The following KIF1B variants were observed in gnomAD, a reference collection of about 807,000 sequenced individuals.
KIF1B encodes kinesin family member 1B.
Under a neutral mutation model 241.9 loss-of-function variants are expected in KIF1B, and 76 were observed. The observed-to-expected ratio is 0.31, with a 90% CI of 0.26 to 0.38. The LOEUF is 0.38. Among genes scored for constraint, KIF1B ranks in the 10% least tolerant of loss-of-function variants. The probability of loss-of-function intolerance (pLI) is 1.00; values close to 1 mark genes in which losing one functional copy is unlikely to be tolerated. For synonymous variants in KIF1B, 750 were observed against 796.7 expected (o/e 0.94, Z 0.99); for missense variants, 1,622 against 2,271.4 (o/e 0.71, Z 5.81).
At chr1:10,289,679 T>C (rs984985568) in intron 15 of KIF1B, among the ~76,000 whole-genome samples, 1 of 151,236 alleles carries the variant, frequency 6.6e-6, no homozygotes, top group African/African-American at 2.4e-5. Context: ...AGGTCAGGAG[T>C]TCAAGACCAG....
intron 1 of KIF1B, among the ~76,000 whole-genome samples, chr1:10,224,121 G>A (rs1165529880): frequency 1.3e-5 from 2 of 151,824 alleles, no homozygotes; most frequent in African/African-American, 2.4e-5. Flanking sequence ...CGTGGTTTTT[G>A]TTTGTTTGTT....
intron 22 of KIF1B, chr1:10,307,130 A>G (rs1223956149): frequency 3.9e-6 from 4 of 1,030,414 alleles, no homozygotes; most frequent in South Asian, 9.2e-5. Context: ...ATGACCAGGA[A>G]GAAATTAACC....
intron 27 of KIF1B, among the ~76,000 whole-genome samples, chr1:10,332,293 T>C (rs1213874286): frequency 6.6e-6 from 1 of 151,936 alleles, no homozygotes; most frequent in Non-Finnish European, 1.5e-5. Context: ...CTCGAACTCC[T>C]GACCTCAGGT....
chr1:10,348,250 G>A (rs114125831), intron 36 of KIF1B, among the ~76,000 whole-genome samples: 2,889 of 152,184 alleles, frequency 0.019, 41 homozygotes, highest in Non-Finnish European at 0.028. Flanking sequence ...TCAAAAGTAG[G>A]TTCAGTCAGT....
intron 23 of KIF1B, 54 bp downstream of exon 23, chr1:10,320,190 T>G: frequency 8.3e-7 from 1 of 1,210,448 alleles, no homozygotes; most frequent in African/African-American, 1.5e-5. Flanking sequence ...AGTTATATTA[T>G]CAAATTAGTC....
intron 2 of KIF1B, among the ~76,000 whole-genome samples, chr1:10,233,382 A>G (rs1436833698): frequency 6.6e-5 from 10 of 152,076 alleles, no homozygotes; most frequent in African/African-American, 2.4e-4. Context: ...TTGGGAGGCT[A>G]GGGCAGGAGG....
intron 1 of KIF1B, among the ~76,000 whole-genome samples, chr1:10,213,159 A>G (rs1398273679): frequency 6.6e-6 from 1 of 151,036 alleles, no homozygotes; most frequent in Non-Finnish European, 1.5e-5. Context: ...TAATTTTTAG[A>G]GTTACTTTAT....
At chr1:10,317,185 A>G (rs1557710192) in intron 22 of KIF1B, among the ~76,000 whole-genome samples, 1 of 151,578 alleles carries the variant, frequency 6.6e-6, no homozygotes, top group East Asian at 1.9e-4. Context: ...CATGCCTGGT[A>G]ATTAGCTAGC....
chr1:10,277,715 A>G (rs1418353854), intron 12 of KIF1B, among the ~76,000 whole-genome samples: 2 of 152,258 alleles, frequency 1.3e-5, no homozygotes, highest in South Asian at 2.1e-4. Flanking sequence ...AAGACACTTG[A>G]TGTAATGGAA....
intron 11 of KIF1B, among the ~76,000 whole-genome samples, chr1:10,276,048 GAC>G (rs1365212100): frequency 1.3e-5 from 2 of 151,890 alleles, no homozygotes; most frequent in African/African-American, 4.8e-5. Context: ...TGGGATTACA[GAC>G]ACACACCACC....
chr1:10,325,972 T>G (rs1265240922), intron 26 of KIF1B, 139 bp from the exon 27 acceptor site: 19 of 1,170,380 alleles, frequency 1.6e-5, no homozygotes, highest in Non-Finnish European at 2.3e-5. Context: ...TATGCTTATT[T>G]TATCCTTTTG....
intron 1 of KIF1B, among the ~76,000 whole-genome samples, chr1:10,231,641 C>A (rs183842557): frequency 6.6e-6 from 1 of 152,086 alleles, no homozygotes; most frequent in Non-Finnish European, 1.5e-5. Flanking sequence ...CCCAACTTGA[C>A]TTCCCAAAGT....
chr1:10,374,807 A>G lies in KIF1B; in HGVS notation c.5097-47A>G. On this transcript the variant is annotated intron_variant, in intron 46 of 48. Transcript: ENST00000676179. The surrounding 1 kb of genome is among the most constrained non-coding windows in gnomAD (Gnocchi z 4.3). ...TATTTTGATGGTCCTCAGCACGATT[A>G]TTTTCTTTTTGTGAGAAACTAACTT... 1 of 1,575,150 alleles carries G rather than the reference A, an allele frequency of 6.3e-7. No homozygotes were observed. Among genetic ancestry groups the G allele is most frequent in the Non-Finnish European group, 8.7e-7 (1 of 1,145,034 alleles).
intron 22 of KIF1B, among the ~76,000 whole-genome samples, chr1:10,301,845 T>A (rs748311960): frequency 1.3e-5 from 2 of 152,224 alleles, no homozygotes; most frequent in Non-Finnish European, 2.9e-5. Flanking sequence ...TATCAAGATT[T>A]GCTTGTATTA....
At chr1:10,220,371 AATAG>A (rs1553160021) in intron 1 of KIF1B, among the ~76,000 whole-genome samples, 53 of 143,676 alleles carry the variant, frequency 3.7e-4, no homozygotes, top group African/African-American at 5.5e-4. Context: ...ACCCTGTTTC[AATAG>A]ATAGATAGAT....
Position 10,376,640 on chromosome 1 carries a change from C to A in KIF1B, c.*53C>A. 15 of 1,522,196 alleles carry A rather than the reference C, an allele frequency of 9.9e-6. No homozygotes were observed. Among genetic ancestry groups the A allele is most frequent in the Non-Finnish European group, 1.4e-5 (15 of 1,096,750 alleles). 94.3% of individuals were successfully genotyped at this position (1,522,196 alleles called of 1,614,324 possible). On this transcript the variant is annotated 3_prime_UTR_variant, in exon 49 of 49. Coordinates refer to ENST00000676179, the MANE Select transcript of KIF1B (RefSeq NM_001365951.3). ...CTTCGAGAGATAAAGAAAGCGTTAC[C>A]TCTCATTTCTCTTTGTGATTCTTGA...
intron 2 of KIF1B, among the ~76,000 whole-genome samples, chr1:10,244,372 T>G: frequency 6.7e-6 from 1 of 148,506 alleles, no homozygotes; most frequent in East Asian, 1.9e-4. Flanking sequence ...TGGAGTGCAA[T>G]GGCCCGATCT....
intron 16 of KIF1B, 94 bp downstream of exon 16, chr1:10,291,255 A>G: frequency 1.1e-6 from 1 of 945,566 alleles, no homozygotes; most frequent in East Asian, 2.7e-5. Flanking sequence ...TTAAAATCAA[A>G]GAGTCTGCCC....
chr1:10,351,462 A>G (rs899200322), intron 37 of KIF1B, among the ~76,000 whole-genome samples: 1 of 152,194 alleles, frequency 6.6e-6, no homozygotes, highest in African/African-American at 2.4e-5. Flanking sequence ...TAGCAACCAT[A>G]TATGGAAGGA....
Sources: gnomAD v4.1 joint callset for allele counts (sites outside exome capture counted in the v4.1 genomes callset) on GRCh38, gnomAD v4.1.1 for gene constraint, Gnocchi (gnomAD v3.1) non-coding constraint, MANE v1.5 for transcripts, NCBI Gene and HGNC (gene_info 2026-07-23, HGNC 2026-07-21) for gene names.